The following CELF1 variants were observed in gnomAD, a reference collection of about 807,000 sequenced individuals.
CELF1 encodes the protein 50 kDa nuclear polyadenylated RNA-binding protein.
A neutral mutation model predicts 61.8 loss-of-function variants in CELF1; 10 were observed. The observed-to-expected ratio is 0.16, with a 90% CI of 0.10 to 0.27. The LOEUF (loss-of-function observed/expected upper bound fraction) is 0.27. CELF1 is among the 10% of genes least tolerant of loss of function. The probability of loss-of-function intolerance (pLI) is 1.00; values close to 1 mark genes in which losing one functional copy is unlikely to be tolerated. For missense variants in CELF1, 380 were observed against 639.1 expected (o/e 0.59, Z 4.37); for synonymous variants, 236 against 225.1 (o/e 1.05, Z -0.43).
chr11:47,559,770 G>A (rs759853786), intron 2 of CELF1, among the ~76,000 whole-genome samples: 3 of 152,164 alleles, frequency 2.0e-5, no homozygotes, highest in South Asian at 2.1e-4. Flanking sequence ...GGGAGGCTGC[G>A]GCGGGCAGAT....
In CELF1 at chr11:47,484,538, C is replaced by T. The variant is rs1191610214; in HGVS notation, c.392-15G>A. The T allele has an allele frequency of 1.9e-6, 3 of 1,597,776 alleles. No homozygotes were observed. Among genetic ancestry groups the T allele is most frequent in the Non-Finnish European group, 2.6e-6 (3 of 1,174,826 alleles). On this transcript the variant is annotated splice_polypyrimidine_tract_variant and intron_variant, in intron 6 of 14. Transcript: ENST00000687097. ...GTCTTCCACTGCTAAGAGAGTAAAA[C>T]AGAAAAGACTTGAATATTACTACTT... is the stretch of plus-strand genomic sequence containing the variant.
chr11:47,490,154 G>GTCTCGAAC (rs1404024959), intron 3 of CELF1, among the ~76,000 whole-genome samples: 1 of 151,434 alleles, frequency 6.6e-6, no homozygotes, highest in Non-Finnish European at 1.5e-5. Flanking sequence ...GGCCAGGCTA[G>GTCTCGAAC]TCTCGAACTG....
intron 7 of CELF1, among the ~76,000 whole-genome samples, chr11:47,483,761 C>A (rs77204316): frequency 5.9e-5 from 9 of 152,124 alleles, no homozygotes; most frequent in African/African-American, 2.2e-4. Flanking sequence ...CTCATATCCT[C>A]TAGTTCCTCT....
chr11:47,478,707 C>T (rs2081347893), intron 10 of CELF1, among the ~76,000 whole-genome samples, 170 bp downstream of exon 10: 1 of 152,184 alleles, frequency 6.6e-6, no homozygotes, highest in Admixed American at 6.5e-5. Context: ...AGCCATAGAG[C>T]CACTGTATAG....
chr11:47,508,203 T>C (rs568485697), intron 1 of CELF1, among the ~76,000 whole-genome samples: 9 of 152,312 alleles, frequency 5.9e-5, no homozygotes, highest in Admixed American at 5.2e-4. Flanking sequence ...TCACAGATGG[T>C]AGACAGCAAG....
intron 1 of CELF1, among the ~76,000 whole-genome samples, chr11:47,548,196 G>A (rs1049306875): frequency 3.3e-5 from 5 of 152,084 alleles, no homozygotes; most frequent in African/African-American, 1.2e-4. Context: ...CTACTCGGGA[G>A]GCTGAGGTAG....
At chr11:47,479,997 A>G (rs1021612984) in intron 9 of CELF1, among the ~76,000 whole-genome samples, 1 of 152,096 alleles carries the variant, frequency 6.6e-6, no homozygotes, top group African/African-American at 2.4e-5. Context: ...AGGACAGTAG[A>G]GCCTGGCTAA....
chr11:47,534,570 T>C (rs2096581751), intron 1 of CELF1, among the ~76,000 whole-genome samples: 1 of 151,348 alleles, frequency 6.6e-6, no homozygotes, highest in South Asian at 2.1e-4. Flanking sequence ...ACTAAAAACA[T>C]ACAAAAAATT....
At chr11:47,562,391 T>C (rs1055572721) in intron 2 of CELF1, among the ~76,000 whole-genome samples, 1 of 151,528 alleles carries the variant, frequency 6.6e-6, no homozygotes, top group Non-Finnish European at 1.5e-5. Flanking sequence ...CCACCAGGTG[T>C]GGTGGTACGC....
chr11:47,525,794 G>A (rs980823593), intron 1 of CELF1, among the ~76,000 whole-genome samples: 7 of 152,130 alleles, frequency 4.6e-5, no homozygotes, highest in Admixed American at 4.6e-4. Flanking sequence ...ATTAAGAGAA[G>A]AGAGGCTGGC....
chr11:47,534,027 T>C (rs1220042585), intron 1 of CELF1, among the ~76,000 whole-genome samples: 1 of 140,486 alleles, frequency 7.1e-6, no homozygotes, highest in Non-Finnish European at 1.6e-5. Flanking sequence ...CTTTCCTTTT[T>C]TTTTTTTTTT....
At chr11:47,562,038 C>T (rs543381118) in intron 2 of CELF1, among the ~76,000 whole-genome samples, 7 of 150,630 alleles carry the variant, frequency 4.6e-5, no homozygotes, top group Admixed American at 2.0e-4. Flanking sequence ...ACCAGGCTAA[C>T]CAACATGGAG....
intron 4 of CELF1, among the ~76,000 whole-genome samples, chr11:47,487,919 C>T (rs930677557): frequency 3.3e-5 from 5 of 152,108 alleles, no homozygotes; most frequent in African/African-American, 1.2e-4. Flanking sequence ...CTGACACTCC[C>T]ATATTCTCAT....
chr11:47,531,111 G>A (rs2096458787), intron 1 of CELF1, among the ~76,000 whole-genome samples: 1 of 152,060 alleles, frequency 6.6e-6, no homozygotes, highest in Admixed American at 6.6e-5. Context: ...CCCAGGCATG[G>A]TGGTAGATGC....
chr11:47,490,100 A>G (rs1039039361), intron 3 of CELF1, among the ~76,000 whole-genome samples: 1 of 150,328 alleles, frequency 6.7e-6, no homozygotes, highest in African/African-American at 2.4e-5. Context: ...TACCATGCCC[A>G]GCTAATTTTT....
At chr11:47,477,601 A>G in intron 10 of CELF1, 176 bp from the exon 11 acceptor site, 2 of 566,988 alleles carry the variant, frequency 3.5e-6, no homozygotes, top group Non-Finnish European at 6.1e-6. Context: ...ACTCATTAAG[A>G]AACTTGAAAT....
intron 1 of CELF1, among the ~76,000 whole-genome samples, chr11:47,519,369 T>C (rs1483941960): frequency 6.6e-6 from 1 of 151,840 alleles, no homozygotes; most frequent in African/African-American, 2.4e-5. Flanking sequence ...TAATCCCAGT[T>C]ACTTGGGAGG....
At chr11:47,552,163 C>A (rs185682884) in intron 1 of CELF1, among the ~76,000 whole-genome samples, 1 of 152,256 alleles carries the variant, frequency 6.6e-6, no homozygotes, top group East Asian at 1.9e-4. Context: ...TCTCTCCTGG[C>A]GAGAAAGAGA....
intron 13 of CELF1, 27 bp from the exon 14 acceptor site, chr11:47,473,258 G>GT (rs751274150): frequency 1.1e-5 from 18 of 1,606,940 alleles, no homozygotes; most frequent in Admixed American, 1.7e-5. Context: ...AATTGGAAAA[G>GT]TATCAGTGTC....
Sources: allele counts gnomAD v4.1 joint callset (sites outside exome capture counted in the v4.1 genomes callset), GRCh38; gene constraint gnomAD v4.1.1; transcripts MANE v1.5; gene names NCBI Gene and HGNC (gene_info 2026-07-23, HGNC 2026-07-21).